PTBP2: variants seen among roughly 807,000 people sequenced by gnomAD.
The protein encoded by PTBP2 is polypyrimidine tract-binding protein 2.
In PTBP2, 13 loss-of-function variants were observed where a neutral mutation model predicts 61.4. That is an observed-to-expected ratio of 0.21 (90% CI 0.14 to 0.34). The LOEUF is 0.34. PTBP2 is among the 10% of genes least tolerant of loss of function. The pLI is 1.00. For missense variants in PTBP2, 405 were observed against 642.6 expected (o/e 0.63, Z 4.00); for synonymous variants, 215 against 218.5 (o/e 0.98, Z 0.14).
In PTBP2 at chr1:96,804,851, C is replaced by T. The variant is rs1557774344; in HGVS notation, c.956C>T (p.Ala319Val). 1 of 1,611,392 alleles carries T rather than the reference C, an allele frequency of 6.2e-7. No homozygotes were observed. Among genetic ancestry groups the T allele is most frequent in the Non-Finnish European group, 8.5e-7 (1 of 1,178,228 alleles). The change falls in exon 9 of 14, where the codon GCT becomes GTT. Residue 319 changes from alanine (A) to valine (V), a missense_variant. Physicochemically the swap from Ala to Val is moderately conservative, Grantham distance 64. Around this residue, in one of 4 missense-constraint regions of PTBP2, gnomAD observed 342 missense variants for 491.2 expected, o/e 0.70. Transcript: ENST00000674951. ...GCCATTCCAAATGCTGCTGCAGCAGCTGCTGCAGCTGCTGCTGGCCGAGTG... is the reference window on the plus strand; with the variant it reads ...GCCATTCCAAATGCTGCTGCAGCAGTTGCTGCAGCTGCTGCTGGCCGAGTG... ...PLAIPNAAAAAAAAAAGRVGM... is the reference protein window; with the variant it reads ...PLAIPNAAAAVAAAAAGRVGM...
chr1:96,745,579 T>C (rs1469971420), intron 2 of PTBP2, among the ~76,000 whole-genome samples: 1 of 152,232 alleles, frequency 6.6e-6, no homozygotes, highest in Non-Finnish European at 1.5e-5. Context: ...ATTTAGTTTT[T>C]TTTTAGTTTA....
At chr1:96,796,070 A>AT (rs1478394360) in intron 8 of PTBP2, among the ~76,000 whole-genome samples, 1 of 152,204 alleles carries the variant, frequency 6.6e-6, no homozygotes. Context: ...TATAGTGGAC[A>AT]TGTTGGGATT....
chr1:96,823,012 G>T (rs1252335773), exon 14 of PTBP2: 3 of 151,060 alleles, frequency 2.0e-5, no homozygotes, highest in African/African-American at 7.3e-5. Flanking sequence ...CCAGGCCGGA[G>T]TGCAACAGTG....
chr1:96,818,964 CTATTATTCATAAATT>C (rs1165476639), downstream of PTBP2: 1 of 151,796 alleles, frequency 6.6e-6, no homozygotes, highest in Non-Finnish European at 1.5e-5. Flanking sequence ...TACAGGCCTG[CTATTATTCATAAATT>C]TAAACTATTA....
chr1:96,806,383 T>C (rs754106356), intron 9 of PTBP2, 36 bp from the exon 10 acceptor site: 2 of 1,485,254 alleles, frequency 1.3e-6, no homozygotes, highest in Admixed American at 1.7e-5. Flanking sequence ...TTCTCTCTTC[T>C]TGTCTTACGC....
At chr1:96,744,962 C>G (rs74734158) in intron 2 of PTBP2, among the ~76,000 whole-genome samples, 1 of 151,970 alleles carries the variant, frequency 6.6e-6, no homozygotes, top group African/African-American at 2.4e-5. Context: ...TGTAATTGTC[C>G]TCTCACAAAT....
chr1:96,721,904 T>A, intron 1 of PTBP2, 32 bp downstream of exon 1: 1 of 1,570,174 alleles, frequency 6.4e-7, no homozygotes, highest in African/African-American at 1.3e-5. Context: ...AAGGTGTGTG[T>A]GAGAGAGGAG....
At chr1:96,739,799 A>G (rs566683028) in intron 2 of PTBP2, among the ~76,000 whole-genome samples, 1 of 150,502 alleles carries the variant, frequency 6.6e-6, no homozygotes, top group African/African-American at 2.4e-5. Flanking sequence ...ATATATATAT[A>G]TATTTTTTAG....
At chr1:96,792,402 C>CT (rs1174990874) in intron 8 of PTBP2, among the ~76,000 whole-genome samples, 5 of 152,132 alleles carry the variant, frequency 3.3e-5, no homozygotes, top group African/African-American at 7.2e-5. Flanking sequence ...ATTCCTTTAA[C>CT]TTTTGAGTGG....
chr1:96,724,967 A>G (rs1650188174), intron 2 of PTBP2, among the ~76,000 whole-genome samples: 1 of 152,168 alleles, frequency 6.6e-6, no homozygotes, highest in Non-Finnish European at 1.5e-5. Flanking sequence ...AGTGAAATAG[A>G]TATTTGCCCA....
chr1:96,822,589 A>G (rs1256257778), exon 14 of PTBP2: 4 of 152,226 alleles, frequency 2.6e-5, no homozygotes, highest in African/African-American at 9.6e-5. Flanking sequence ...GAATTGATTT[A>G]GTTTTTGTAT....
At chr1:96,744,524 C>A (rs2100871873) in intron 2 of PTBP2, among the ~76,000 whole-genome samples, 1 of 152,244 alleles carries the variant, frequency 6.6e-6, no homozygotes, top group Non-Finnish European at 1.5e-5. Flanking sequence ...CGTCTTATGT[C>A]TTGATCAGTG....
intron 2 of PTBP2, among the ~76,000 whole-genome samples, chr1:96,724,255 GTTTTTT>G: frequency 1.2e-5 from 1 of 83,140 alleles, no homozygotes; most frequent in South Asian, 6.5e-4. Flanking sequence ...ATTTTTTTTT[GTTTTTT>G]GTTTTTTTGA....
At chr1:96,795,559 C>A (rs1660293084) in intron 8 of PTBP2, among the ~76,000 whole-genome samples, 1 of 152,104 alleles carries the variant, frequency 6.6e-6, no homozygotes, top group Admixed American at 6.5e-5. Flanking sequence ...AAACTTTAAG[C>A]AGTGCATATT....
intron 3 of PTBP2, among the ~76,000 whole-genome samples, chr1:96,758,702 C>G (rs1030484850): frequency 3.3e-5 from 5 of 152,050 alleles, no homozygotes; most frequent in Non-Finnish European, 7.4e-5. Flanking sequence ...TAAGAACCTA[C>G]AACAAATTTC....
chr1:96,767,065 GAATATTA>G (rs888855476), intron 3 of PTBP2, among the ~76,000 whole-genome samples: 4 of 152,078 alleles, frequency 2.6e-5, no homozygotes, highest in African/African-American at 9.7e-5. Flanking sequence ...AATTAGCAGT[GAATATTA>G]AATATTGATG....
intron 5 of PTBP2, among the ~76,000 whole-genome samples, chr1:96,775,546 A>T (rs143713807): frequency 6.6e-6 from 1 of 152,310 alleles, no homozygotes; most frequent in East Asian, 1.9e-4. Context: ...ATCTGATATG[A>T]TTCCATTTAT....
chr1:96,779,129 A>T (rs1658368800), intron 7 of PTBP2, among the ~76,000 whole-genome samples: 1 of 152,038 alleles, frequency 6.6e-6, no homozygotes, highest in Non-Finnish European at 1.5e-5. Flanking sequence ...CTCGGGTATA[A>T]TCTAATCTTA....
chr1:96,786,938 G>C (rs1659271619), intron 8 of PTBP2, among the ~76,000 whole-genome samples: 1 of 152,104 alleles, frequency 6.6e-6, no homozygotes, highest in South Asian at 2.1e-4. Flanking sequence ...TTGGTTAGAA[G>C]TCACGTGGAT....
Sources: gnomAD v4.1 joint callset for allele counts (sites outside exome capture counted in the v4.1 genomes callset) on GRCh38, gnomAD v4.1.1 for gene constraint, gnomAD v4.1.1 regional missense constraint, MANE v1.5 for transcripts, NCBI Gene and HGNC (gene_info 2026-07-23, HGNC 2026-07-21) for gene names.